NOL4: variants seen among roughly 807,000 people sequenced by gnomAD.
The protein encoded by NOL4 is nucleolar protein 4.
In NOL4, 17 loss-of-function variants were observed where a neutral mutation model predicts 75.9. The observed-to-expected ratio is 0.22, with a 90% confidence interval of 0.15 to 0.34. NOL4 has a LOEUF of 0.34. NOL4 is among the 10% of genes least tolerant of loss of function. The probability of loss-of-function intolerance (pLI) is 1.00; values close to 1 mark genes in which losing one functional copy is unlikely to be tolerated. For synonymous variants in NOL4, 292 were observed against 289.9 expected, an observed-to-expected ratio of 1.01 and a Z score of -0.07; for missense variants, 614 against 793.5, an observed-to-expected ratio of 0.77 and a Z score of 2.72.
intron 5 of NOL4, among the ~76,000 whole-genome samples, chr18:34,056,948 A>G (rs2076857640): frequency 6.6e-6 from 1 of 152,152 alleles, no homozygotes; most frequent in South Asian, 2.1e-4. Context: ...ATACTTAAAG[A>G]TGATAGTTGG....
At chr18:34,132,967 T>A (rs2080724192) in intron 1 of NOL4, among the ~76,000 whole-genome samples, 1 of 152,054 alleles carries the variant, frequency 6.6e-6, no homozygotes, top group Non-Finnish European at 1.5e-5. Flanking sequence ...GAGAAACCTA[T>A]CTTTCAAAAA....
chr18:33,867,691 T>C (rs1162531194), intron 10 of NOL4, among the ~76,000 whole-genome samples: 1 of 151,690 alleles, frequency 6.6e-6, no homozygotes, highest in African/African-American at 2.4e-5. Flanking sequence ...ATTCCATATA[T>C]ATATAGAATT....
intron 5 of NOL4, among the ~76,000 whole-genome samples, chr18:34,041,895 T>C (rs1384212599): frequency 1.3e-5 from 2 of 151,986 alleles, no homozygotes; most frequent in Non-Finnish European, 2.9e-5. Context: ...ATAATTGCTA[T>C]AGATAGATTT....
At chr18:33,929,429 G>A (rs1035540185) in intron 9 of NOL4, among the ~76,000 whole-genome samples, 5 of 152,114 alleles carry the variant, frequency 3.3e-5, no homozygotes, top group African/African-American at 1.2e-4. Context: ...AGTTAGCAAT[G>A]CTCCCCTGGC....
chr18:33,925,266 C>T (rs1486042358), intron 9 of NOL4, among the ~76,000 whole-genome samples: 1 of 152,102 alleles, frequency 6.6e-6, no homozygotes, highest in African/African-American at 2.4e-5. Context: ...AAACCTGGAT[C>T]TGGTTTTTGA....
intron 4 of NOL4, among the ~76,000 whole-genome samples, chr18:34,099,524 T>G (rs1239288971): frequency 1.3e-5 from 2 of 152,094 alleles, no homozygotes; most frequent in Non-Finnish European, 2.9e-5. Context: ...ATGCATTTCA[T>G]TACCAGCAAC....
chr18:33,907,063 C>T (rs2066094077), intron 9 of NOL4, among the ~76,000 whole-genome samples: 1 of 152,048 alleles, frequency 6.6e-6, no homozygotes, highest in Non-Finnish European at 1.5e-5. Context: ...GTGGCTCACG[C>T]CTGTAATCCC....
At chr18:34,046,622 A>ATATATG (rs1335470610) in intron 5 of NOL4, among the ~76,000 whole-genome samples, 1 of 134,924 alleles carries the variant, frequency 7.4e-6, no homozygotes, top group African/African-American at 2.7e-5. Context: ...ATATATATAT[A>ATATATG]TATATATATA....
In NOL4 at chr18:33,939,363, T is replaced by C. The variant is rs187193523; in HGVS notation, c.1542+3702A>G. Among the ~76,000 whole-genome samples the C allele has an allele frequency of 1.1e-3, 175 of 152,260 alleles. 1 individual carries two copies. Among genetic ancestry groups the C allele is most frequent in the Non-Finnish European group, 6.5e-4 (44 of 68,016 alleles). On this transcript the variant is annotated intron_variant, in intron 9 of 10. Coordinates refer to ENST00000261592, the MANE Select transcript of NOL4 (RefSeq NM_003787.5). ...ATAACAATGAATCTATAAATTACTT[T>C]GGGCAGTATGGCCATTTTCATATTG...
chr18:34,020,532 T>C (rs755823207), intron 5 of NOL4, among the ~76,000 whole-genome samples: 7 of 152,214 alleles, frequency 4.6e-5, no homozygotes, highest in Non-Finnish European at 8.8e-5. Flanking sequence ...AATCATTGTG[T>C]GTATCTCTTT....
At chr18:34,222,111 G>A (rs1294758146) in intron 1 of NOL4, 5 of 1,534,502 alleles carry the variant, frequency 3.3e-6, no homozygotes, top group African/African-American at 2.7e-5. Context: ...AATCGACGCT[G>A]CTGCGGCTCC....
chr18:34,155,130 T>C (rs1450887471), intron 1 of NOL4, among the ~76,000 whole-genome samples: 1 of 151,884 alleles, frequency 6.6e-6, no homozygotes, highest in Non-Finnish European at 1.5e-5. Context: ...AAAATAAATC[T>C]GCCACAAATA....
rs367981463 is a variant in NOL4 at position 33,958,323 on chromosome 18, G to A, written c.1152C>T (p.Asp384=). Reference sequence around the variant, plus strand: ...CGTCATGGTCCTCGTGGTCATCTTCGTCCTCATCTCCCCTGTTTAGTGAGA... The same window carrying A: ...CGTCATGGTCCTCGTGGTCATCTTCATCCTCATCTCCCCTGTTTAGTGAGA... ...EDLSLNRGDE[D]EDDHEDHDDS... The change falls in exon 7 of 11, where the codon GAC becomes GAT. Residue 384 remains aspartate (D), a synonymous_variant. Transcript: ENST00000261592. 173 of 1,613,568 alleles carry A rather than the reference G, an allele frequency of 1.1e-4. No individual in the cohort carries two copies. The highest frequency in any genetic ancestry group is 1.6e-4 in the Middle Eastern group (1 of 6,078).
At chr18:34,178,798 A>G (rs947964700) in intron 1 of NOL4, among the ~76,000 whole-genome samples, 3 of 151,670 alleles carry the variant, frequency 2.0e-5, no homozygotes, top group African/African-American at 4.8e-5. Flanking sequence ...ACTAGACAGA[A>G]GACCAGAAAA....
chr18:33,981,625 A>C (rs2071968206), intron 6 of NOL4, among the ~76,000 whole-genome samples: 1 of 152,114 alleles, frequency 6.6e-6, no homozygotes, highest in African/African-American at 2.4e-5. Context: ...CTGAGACTAA[A>C]AAACAGAAAA....
intron 5 of NOL4, among the ~76,000 whole-genome samples, chr18:34,059,254 G>A (rs1242101898): frequency 1.3e-5 from 2 of 150,586 alleles, no homozygotes; most frequent in African/African-American, 2.4e-5. Context: ...AAATACCCCC[G>A]ATTCAAAGTT....
intron 9 of NOL4, among the ~76,000 whole-genome samples, chr18:33,912,568 T>C (rs2066473137): frequency 6.6e-6 from 1 of 152,122 alleles, no homozygotes; most frequent in African/African-American, 2.4e-5. Context: ...ACTGCATTTT[T>C]TCTACCATAA....
intron 6 of NOL4, among the ~76,000 whole-genome samples, chr18:33,973,657 G>A (rs2071256888): frequency 6.6e-6 from 1 of 152,294 alleles, no homozygotes; most frequent in African/African-American, 2.4e-5. Context: ...TGGTTAGCAG[G>A]CCTGAAAACA....
chr18:33,996,774 C>T (rs550234665), intron 6 of NOL4, among the ~76,000 whole-genome samples: 10 of 151,928 alleles, frequency 6.6e-5, no homozygotes, highest in Middle Eastern at 6.8e-3. Flanking sequence ...TATTCCATGG[C>T]ATGTATGTAC....
Sources: allele counts gnomAD v4.1 joint callset (sites outside exome capture counted in the v4.1 genomes callset), GRCh38; gene constraint gnomAD v4.1.1; transcripts MANE v1.5; gene names NCBI Gene and HGNC (gene_info 2026-07-23, HGNC 2026-07-21).